ERG: variants seen among roughly 807,000 people sequenced by gnomAD.
The protein encoded by ERG is ETS transcription factor ERG.
In ERG, 9 loss-of-function variants were observed where a neutral mutation model predicts 55.3. The ratio of observed to expected loss-of-function variants is 0.16; its 90% CI spans 0.10 to 0.28. The LOEUF is 0.28. Ranked by LOEUF, ERG falls within the 10% of genes least tolerant of loss-of-function variation. ERG has a pLI of 1.00. For missense variants in ERG, 434 were observed against 631.6 expected, an observed-to-expected ratio of 0.69 and a Z score of 3.35; for synonymous variants, 223 against 237.3, an observed-to-expected ratio of 0.94 and a Z score of 0.55.
intron 1 of ERG, among the ~76,000 whole-genome samples, chr21:38,457,990 A>G (rs181080536): frequency 2.0e-5 from 3 of 152,306 alleles, no homozygotes; most frequent in Non-Finnish European, 4.4e-5. Flanking sequence ...CTCATTTTAG[A>G]TTGACTTAAA....
chr21:38,458,728 G>A (rs983077740), intron 1 of ERG, among the ~76,000 whole-genome samples: 2 of 152,080 alleles, frequency 1.3e-5, no homozygotes, highest in Admixed American at 1.3e-4. Context: ...GAAGGTGGGG[G>A]TGGTAGCTGG....
intron 1 of ERG, among the ~76,000 whole-genome samples, chr21:38,465,515 T>C (rs1337352115): frequency 6.6e-6 from 1 of 152,140 alleles, no homozygotes; most frequent in Non-Finnish European, 1.5e-5. Context: ...CCACAGAATG[T>C]CCAGCACCAC....
At chr21:38,660,542 C>CG (rs997797583) in intron 1 of ERG, 2 of 152,190 alleles carry the variant, frequency 1.3e-5, no homozygotes, top group African/African-American at 4.8e-5. Flanking sequence ...GCGCCGCCGT[C>CG]GGGGGAGGGC....
At chr21:38,585,763 T>G (rs572669398), upstream of ERG, among the ~76,000 whole-genome samples, 1 of 152,196 alleles carries the variant, frequency 6.6e-6, no homozygotes, top group East Asian at 1.9e-4. Flanking sequence ...CACAGGCCAG[T>G]TGACATTCCC....
intron 1 of ERG, among the ~76,000 whole-genome samples, chr21:38,584,142 A>G (rs2060047620): frequency 6.6e-6 from 1 of 152,030 alleles, no homozygotes; most frequent in South Asian, 2.1e-4. Flanking sequence ...CCACTGATCG[A>G]CCCTGGCTTC....
chr21:38,589,754 C>G (rs2060088480), upstream of ERG, among the ~76,000 whole-genome samples: 1 of 152,102 alleles, frequency 6.6e-6, no homozygotes, highest in African/African-American at 2.4e-5. Context: ...GGAGGGAAGT[C>G]CTTGTGTTTC....
At chr21:38,559,385 T>TTC (rs1568912396) in intron 2 of ERG, among the ~76,000 whole-genome samples, 2 of 136,624 alleles carry the variant, frequency 1.5e-5, no homozygotes, top group East Asian at 4.1e-4. Flanking sequence ...CCATTTCCCT[T>TTC]TTTTTTTTTT....
intron 1 of ERG, among the ~76,000 whole-genome samples, chr21:38,465,021 A>T (rs149890025): frequency 1.7e-3 from 256 of 152,248 alleles, no homozygotes; most frequent in African/African-American, 5.9e-3. Context: ...TTTGCTCCCT[A>T]GTCCTAGGAA....
At chr21:38,436,201 G>T (rs1039871167) in intron 2 of ERG, among the ~76,000 whole-genome samples, 5 of 151,608 alleles carry the variant, frequency 3.3e-5, no homozygotes, top group Admixed American at 3.3e-4. Context: ...AGTAGAGATG[G>T]GGTTTCACCA....
At chr21:38,626,396 G>C (rs2060325059) in intron 1 of ERG, among the ~76,000 whole-genome samples, 2 of 152,170 alleles carry the variant, frequency 1.3e-5, no homozygotes, top group East Asian at 3.8e-4. Context: ...AAAGTAAGAA[G>C]GGCTTGTAAA....
chr21:38,636,381 G>A (rs2060388738), intron 1 of ERG, among the ~76,000 whole-genome samples: 1 of 152,184 alleles, frequency 6.6e-6, no homozygotes, highest in African/African-American at 2.4e-5. Flanking sequence ...GAGAAGCTAG[G>A]AGGAGCAGGA....
intron 9 of ERG, among the ~76,000 whole-genome samples, chr21:38,385,541 G>C (rs548483889): frequency 1.3e-5 from 2 of 152,284 alleles, no homozygotes; most frequent in South Asian, 4.1e-4. Flanking sequence ...CATGGACATG[G>C]ATATTTTTGT....
chr21:38,626,170 C>T (rs1363211692), intron 1 of ERG, among the ~76,000 whole-genome samples: 3 of 152,110 alleles, frequency 2.0e-5, no homozygotes, highest in Non-Finnish European at 4.4e-5. Flanking sequence ...GATCCAGTCA[C>T]CTTGGTCTCC....
At position 38,498,431 on chromosome 21, in the gene ERG, T is replaced by C; in HGVS notation, c.-51A>G. On this transcript the variant is annotated 5_prime_UTR_variant, in exon 1 of 10. Coordinates refer to ENST00000288319, the MANE Select transcript of ERG (RefSeq NM_182918.4). The surrounding 1 kb of genome is among the most constrained non-coding windows in gnomAD (Gnocchi z 4.6). ...AATAAATGTTAATAATAATTATTGC[T>C]TCTCTCTGACCAGAAAGTAGTTTTG... The C allele has an allele frequency of 6.3e-7, 1 of 1,596,398 alleles. No individual in the cohort carries two copies. Among genetic ancestry groups the C allele is most frequent in the Non-Finnish European group, 8.5e-7 (1 of 1,171,232 alleles).
chr21:38,450,118 A>T (rs2058927371), intron 1 of ERG, among the ~76,000 whole-genome samples: 1 of 151,994 alleles, frequency 6.6e-6, no homozygotes, highest in Non-Finnish European at 1.5e-5. Flanking sequence ...TGGTTCGGGC[A>T]TGGTGGCTCA....
intron 1 of ERG, among the ~76,000 whole-genome samples, chr21:38,612,419 T>C (rs1365843563): frequency 2.0e-5 from 3 of 152,172 alleles, no homozygotes; most frequent in African/African-American, 4.8e-5. Flanking sequence ...TTTCCATCAT[T>C]ATAGTGGGTC....
intron 2 of ERG, among the ~76,000 whole-genome samples, chr21:38,444,387 G>C (rs1482970760): frequency 6.6e-6 from 1 of 152,122 alleles, no homozygotes; most frequent in Non-Finnish European, 1.5e-5. Context: ...GGACTGAGGG[G>C]CTACTGGATA....
chr21:38,371,644 T>C, the ERG span, among the ~76,000 whole-genome samples: 2 of 152,026 alleles, frequency 1.3e-5, no homozygotes, highest in Admixed American at 6.6e-5. Flanking sequence ...CTATAATGTT[T>C]TCATGTGGGG....
At chr21:38,465,418 G>C (rs2059079598) in intron 1 of ERG, among the ~76,000 whole-genome samples, 1 of 152,172 alleles carries the variant, frequency 6.6e-6, no homozygotes, top group African/African-American at 2.4e-5. Flanking sequence ...GGGTGAACAG[G>C]TGGAGCACTG....
Sources: gnomAD v4.1 joint callset for allele counts (sites outside exome capture counted in the v4.1 genomes callset) on GRCh38, gnomAD v4.1.1 for gene constraint, Gnocchi (gnomAD v3.1) non-coding constraint, MANE v1.5 for transcripts, NCBI Gene and HGNC (gene_info 2026-07-23, HGNC 2026-07-21) for gene names.